The following FLT1 variants were observed in gnomAD, a reference collection of about 807,000 sequenced individuals.
FLT1 encodes fms related receptor tyrosine kinase 1, also known as vascular endothelial growth factor receptor 1.
In FLT1, 49 loss-of-function variants were observed where a neutral mutation model predicts 156.3. The observed-to-expected ratio is 0.31, with a 90% confidence interval of 0.25 to 0.40. FLT1 has a LOEUF of 0.40. Ranked by LOEUF, FLT1 falls within the 10% of genes least tolerant of loss-of-function variation. FLT1 has a pLI of 1.00. For missense variants in FLT1, 1,322 were observed against 1,637.2 expected (o/e 0.81, Z 3.32); for synonymous variants, 594 against 583.8 (o/e 1.02, Z -0.25).
chr13:28,360,556 G>A (rs534290303), intron 14 of FLT1, among the ~76,000 whole-genome samples: 1 of 152,290 alleles, frequency 6.6e-6, no homozygotes, highest in South Asian at 2.1e-4. Flanking sequence ...TGAACCTAGA[G>A]GACATTATGT....
intron 12 of FLT1, among the ~76,000 whole-genome samples, chr13:28,390,477 C>T (rs564630483): frequency 6.6e-6 from 1 of 152,268 alleles, no homozygotes; most frequent in African/African-American, 2.4e-5. Flanking sequence ...CTCACTGCAA[C>T]CTCCACCTCC....
Position 28,427,309 on chromosome 13 carries a change from T to C in FLT1, c.1286A>G (p.Gln429Arg), listed in dbSNP as rs1293890604. Residue 429 changes from glutamine to arginine, a missense_variant, in exon 10 of 30, where the codon CAG becomes CGG. By Grantham distance (43) the Gln-to-Arg change is conservative. Coordinates refer to ENST00000282397, the MANE Select transcript of FLT1 (RefSeq NM_002019.4). ...TATLIVNVKP[Q>R]IYEKAVSSFP... is the part of the protein sequence containing the mutation. Reference sequence around the variant, plus strand: ...CGATGACACGGCCTTTTCGTAAATCTGGGGTTTCACTGGAAAGGAGATGAA... The same window carrying C: ...CGATGACACGGCCTTTTCGTAAATCCGGGGTTTCACTGGAAAGGAGATGAA... The C allele has an allele frequency of 6.2e-7, 1 of 1,613,952 alleles. No homozygotes were observed. The highest frequency in any genetic ancestry group is 8.5e-7 in the Non-Finnish European group (1 of 1,179,910).
chr13:28,330,488 A>G (rs1395709735), intron 18 of FLT1, among the ~76,000 whole-genome samples: 5 of 151,660 alleles, frequency 3.3e-5, no homozygotes, highest in Admixed American at 2.6e-4. Context: ...ATAAAAAGCA[A>G]AAGCCACTCC....
chr13:28,349,425 TACAC>T (rs34182100), intron 15 of FLT1, among the ~76,000 whole-genome samples: 32,352 of 146,754 alleles, frequency 0.22, 3,620 homozygotes, highest in Admixed American at 0.35. Flanking sequence ...GGCCTTGCTG[TACAC>T]ACACACACAC....
chr13:28,361,669 G>A (rs775984699), intron 14 of FLT1, among the ~76,000 whole-genome samples: 2 of 152,214 alleles, frequency 1.3e-5, no homozygotes, highest in Non-Finnish European at 2.9e-5. Flanking sequence ...AAGAGTGGAG[G>A]ATGAGCAGTA....
intron 15 of FLT1, among the ~76,000 whole-genome samples, chr13:28,349,872 T>C (rs535400255): frequency 1.3e-5 from 2 of 152,362 alleles, no homozygotes; most frequent in South Asian, 2.1e-4. Flanking sequence ...ATATTAATAA[T>C]GTTCAGTACT....
At chr13:28,335,258 C>T (rs530845726) in intron 17 of FLT1, among the ~76,000 whole-genome samples, 15 of 152,214 alleles carry the variant, frequency 9.9e-5, no homozygotes, top group African/African-American at 3.6e-4. Context: ...GGGGAAATGA[C>T]AGAATACCAC....
intron 9 of FLT1, 101 bp from the exon 10 acceptor site, chr13:28,427,419 A>G (rs1038822876): frequency 1.4e-5 from 15 of 1,106,786 alleles, no homozygotes; most frequent in Non-Finnish European, 2.1e-5. Context: ...CTTTGATGTC[A>G]GGGAAACAAA....
At chr13:28,434,004 G>A (rs372582605) in intron 5 of FLT1, 49 bp from the exon 6 acceptor site, 18 of 1,613,634 alleles carry the variant, frequency 1.1e-5, no homozygotes, top group Non-Finnish European at 1.4e-5. Context: ...TCATTACACA[G>A]ATAAAAATAC....
At chr13:28,321,641 C>G in intron 22 of FLT1, 56 bp from the exon 23 acceptor site, 1 of 1,565,412 alleles carries the variant, frequency 6.4e-7, no homozygotes, top group Non-Finnish European at 8.8e-7. Flanking sequence ...CAACTAATTT[C>G]CTACACCTGT....
In FLT1 at chr13:28,494,524, C is replaced by A. The variant is rs532825763; in HGVS notation, c.64+256G>T. Among the ~76,000 whole-genome samples, 9 of 152,328 alleles carry A rather than the reference C, an allele frequency of 5.9e-5. No individual in the cohort carries two copies. In the South Asian group the frequency reaches 1.7e-3, roughly 28 times the overall value. Reference sequence around the variant, plus strand: ...CAGCGATCCTGTCGCAAACGGACAGCCCCAGCGCGGACCCGGTCTGAGCGC... The same window carrying A: ...CAGCGATCCTGTCGCAAACGGACAGACCCAGCGCGGACCCGGTCTGAGCGC... On this transcript the variant is annotated intron_variant, in intron 1 of 29. Transcript: ENST00000282397.
Position 28,367,002 on chromosome 13 carries a change from A to G in FLT1, c.2117-9317T>C, listed in dbSNP as rs540881480. Among the ~76,000 whole-genome samples, 434 of 152,338 alleles carry G rather than the reference A, an allele frequency of 2.8e-3. 2 individuals carry two copies. Among genetic ancestry groups the G allele is most frequent in the Non-Finnish European group, 4.0e-3 (273 of 68,034 alleles). On this transcript the variant is annotated intron_variant, in intron 14 of 29. Coordinates refer to ENST00000282397, the MANE Select transcript of FLT1 (RefSeq NM_002019.4). ...TTCAGTAACTGAGGAAAATGACCAC[A>G]TAAATGAAGACAATGGAAAATGTCA... is the stretch of plus-strand genomic sequence containing the variant.
At chr13:28,413,974 A>AT (rs924226268) in intron 10 of FLT1, among the ~76,000 whole-genome samples, 4 of 152,148 alleles carry the variant, frequency 2.6e-5, no homozygotes, top group Non-Finnish European at 5.9e-5. Flanking sequence ...AGTCTTGTTG[A>AT]TTTCTTGTAT....
At chr13:28,321,616 T>G in intron 22 of FLT1, 31 bp from the exon 23 acceptor site, 1 of 1,611,962 alleles carries the variant, frequency 6.2e-7, no homozygotes, top group Non-Finnish European at 8.5e-7. Flanking sequence ...AATCAATGCA[T>G]TTCCTTAACC....
At chr13:28,419,000 T>C (rs866107891) in intron 10 of FLT1, among the ~76,000 whole-genome samples, 1 of 152,320 alleles carries the variant, frequency 6.6e-6, no homozygotes, top group Middle Eastern at 3.4e-3. Flanking sequence ...AGATAATGTG[T>C]GTAAAGGGAT....
intron 13 of FLT1, chr13:28,389,531 GC>G: frequency 4.9e-6 from 7 of 1,425,976 alleles, no homozygotes; most frequent in African/African-American, 1.4e-5. Flanking sequence ...CCCCGGAGCA[GC>G]CCCCTCGGCC....
chr13:28,464,979 T>A (rs1326443791), intron 3 of FLT1, among the ~76,000 whole-genome samples: 3 of 152,206 alleles, frequency 2.0e-5, no homozygotes, highest in African/African-American at 7.2e-5. Context: ...ACAGGGGCAG[T>A]CTGTGACTCA....
At chr13:28,473,344 G>T (rs563202106) in intron 1 of FLT1, among the ~76,000 whole-genome samples, 50 of 151,598 alleles carry the variant, frequency 3.3e-4, no homozygotes, top group Non-Finnish European at 1.0e-4. Context: ...ACCTATAACA[G>T]CCAAAAAGAA....
At chr13:28,480,244 TC>T (rs1179676736) in intron 1 of FLT1, among the ~76,000 whole-genome samples, 1 of 152,238 alleles carries the variant, frequency 6.6e-6, no homozygotes, top group Non-Finnish European at 1.5e-5. Flanking sequence ...TGTTTATTTT[TC>T]CATCTTTAAC....
Sources: gnomAD v4.1 joint callset for allele counts (sites outside exome capture counted in the v4.1 genomes callset) on GRCh38, gnomAD v4.1.1 for gene constraint, MANE v1.5 for transcripts, NCBI Gene and HGNC (gene_info 2026-07-23, HGNC 2026-07-21) for gene names.